The following SHE variants were observed in gnomAD, a reference collection of about 807,000 sequenced individuals.
The protein encoded by SHE is Src homology 2 domain containing E.
Under a neutral mutation model 49.8 loss-of-function variants are expected in SHE, and 11 were observed. The ratio of observed to expected loss-of-function variants is 0.22; its 90% CI spans 0.14 to 0.37. The LOEUF is 0.37. Ranked by LOEUF, SHE falls within the 10% of genes least tolerant of loss-of-function variation. SHE has a pLI of 1.00. For missense variants in SHE, 624 were observed against 655.5 expected (o/e 0.95, Z 0.52); for synonymous variants, 310 against 278.1 (o/e 1.11, Z -1.14).
At chr1:154,491,028 G>A (rs1692345712) in intron 2 of SHE, among the ~76,000 whole-genome samples, 2 of 152,184 alleles carry the variant, frequency 1.3e-5, no homozygotes, top group Non-Finnish European at 2.9e-5. Flanking sequence ...GGGTCAAGGA[G>A]CCTTGCCAGA....
At position 154,482,597 on chromosome 1, in the gene SHE, C is replaced by T; in HGVS notation, c.*1552G>A. 3 of 985,370 alleles carry T rather than the reference C, an allele frequency of 3.0e-6. No homozygotes were observed. The highest frequency in any genetic ancestry group is 3.6e-6 in the Non-Finnish European group (3 of 829,928). 61.0% of individuals were successfully genotyped at this position (985,370 alleles called of 1,614,324 possible). A position where few individuals can be genotyped will look rare whatever the true frequency, so the allele number is the denominator to read the frequency against. On this transcript the variant is annotated 3_prime_UTR_variant, in exon 6 of 6. Coordinates refer to ENST00000304760, the MANE Select transcript of SHE (RefSeq NM_001010846.3). ...TTGCATATGGGGCAGTTTTGAGACC[C>T]AAATGACCAACCCCAGAATACAGAC... is the stretch of plus-strand genomic sequence containing the variant.
intron 2 of SHE, among the ~76,000 whole-genome samples, chr1:154,492,986 T>C (rs895877278): frequency 1.3e-5 from 2 of 152,224 alleles, no homozygotes; most frequent in African/African-American, 4.8e-5. Context: ...CTACCGGGCC[T>C]TCCAGCCCAC....
chr1:154,482,620 G>A lies in SHE; in HGVS notation c.*1529C>T. The A allele has an allele frequency of 1.0e-6, 1 of 985,402 alleles. No homozygotes were observed. The highest frequency in any genetic ancestry group is 1.2e-6 in the Non-Finnish European group (1 of 829,944). The allele number at this position is 985,402 out of a possible 1,614,324, so 61.0% of individuals were successfully genotyped here. On this transcript the variant is annotated 3_prime_UTR_variant, in exon 6 of 6. Coordinates refer to ENST00000304760, the MANE Select transcript of SHE (RefSeq NM_001010846.3). ...CCCAAATGACCAACCCCAGAATACA[G>A]ACACATCTGCTGAATTTTAATTCTG...
At chr1:154,479,277 G>A (rs1360787011), downstream of SHE, among the ~76,000 whole-genome samples, 1 of 152,086 alleles carries the variant, frequency 6.6e-6, no homozygotes, top group Non-Finnish European at 1.5e-5. Context: ...TATTTTACTT[G>A]GGAAGAAAAA....
At position 154,480,967 on chromosome 1, in the gene SHE, C is replaced by A. The variant is rs1210725090; in HGVS notation, c.*3182G>T. 1.0e-6 allele frequency: 1 copy of A among 985,232 alleles called. No homozygotes were observed. The highest frequency in any genetic ancestry group is 1.2e-6 in the Non-Finnish European group (1 of 829,932). 61.0% of individuals were successfully genotyped at this position (985,232 alleles called of 1,614,324 possible). A position where few individuals can be genotyped will look rare whatever the true frequency, so the allele number is the denominator to read the frequency against. On this transcript the variant is annotated 3_prime_UTR_variant, in exon 6 of 6. Coordinates refer to ENST00000304760, the MANE Select transcript of SHE (RefSeq NM_001010846.3). ...GAACACTGACACAGCTCTATGGATG[C>A]TAAATTCAAGGCAAATTCACTGAAA...
chr1:154,499,868 G>A (rs1301857371), intron 1 of SHE, among the ~76,000 whole-genome samples: 3 of 152,100 alleles, frequency 2.0e-5, no homozygotes, highest in African/African-American at 7.2e-5. Context: ...ACCAGATAGG[G>A]TTTTGATCCC....
intron 1 of SHE, among the ~76,000 whole-genome samples, chr1:154,473,338 G>T (rs2149286279): frequency 1.3e-5 from 2 of 152,016 alleles, no homozygotes; most frequent in East Asian, 2.0e-4. Flanking sequence ...AACCGAGCAT[G>T]GTGGTGCATG....
Position 154,481,718 on chromosome 1 carries a change from T to C in SHE, c.*2431A>G. ...AGTTTAACACAATGAATAATTTGTATAAAGATAATAAATATTTGTTGAATG... is the reference window on the plus strand; with the variant it reads ...AGTTTAACACAATGAATAATTTGTACAAAGATAATAAATATTTGTTGAATG... On this transcript the variant is annotated 3_prime_UTR_variant, in exon 6 of 6. Transcript: ENST00000304760. The C allele has an allele frequency of 1.0e-6, 1 of 956,142 alleles. No individual in the cohort carries two copies. Among genetic ancestry groups the C allele is most frequent in the Non-Finnish European group, 1.2e-6 (1 of 803,252 alleles). The allele number at this position is 956,142 out of a possible 1,614,324, so 59.2% of individuals were successfully genotyped here.
At chr1:154,488,798 G>A (rs1263260562) in intron 3 of SHE, among the ~76,000 whole-genome samples, 1 of 152,030 alleles carries the variant, frequency 6.6e-6, no homozygotes, top group Non-Finnish European at 1.5e-5. Context: ...TGTTGACCAG[G>A]CTGGTCTTGA....
chr1:154,499,047 A>G, intron 2 of SHE, 65 bp downstream of exon 2: 1 of 1,566,194 alleles, frequency 6.4e-7, no homozygotes, highest in Non-Finnish European at 8.7e-7. Context: ...GACACCGGTT[A>G]CTATATTACA....
At position 154,486,963 on chromosome 1, in the gene SHE, A is replaced by G. The variant is rs552439316; in HGVS notation, c.1025-280T>C. 3.3e-5 allele frequency among the ~76,000 whole-genome samples: 5 copies of G among 152,320 alleles called. No individual in the cohort carries two copies. The South Asian group carries it at 1.0e-3, about 32-fold the overall frequency. On this transcript the variant is annotated intron_variant, in intron 3 of 5. Coordinates refer to ENST00000304760, the MANE Select transcript of SHE (RefSeq NM_001010846.3). Reference sequence around the variant, plus strand: ...GGAAACCACTTTAATGTATTTCAACATGGACTTTTAAAAAACTTGTGGTTT... The same window carrying G: ...GGAAACCACTTTAATGTATTTCAACGTGGACTTTTAAAAAACTTGTGGTTT...
At chr1:154,471,203 C>CAA (rs1386748764) in intron 1 of SHE, among the ~76,000 whole-genome samples, 1 of 151,994 alleles carries the variant, frequency 6.6e-6, no homozygotes, top group Non-Finnish European at 1.5e-5. Context: ...AAGTTCCCAT[C>CAA]TTCTGCAGGT....
chr1:154,501,899 T>C lies in SHE; in HGVS notation c.128A>G (p.Lys43Arg). The C allele has an allele frequency of 6.6e-7, 1 of 1,515,276 alleles. No individual in the cohort carries two copies. The allele number at this position is 1,515,276 out of a possible 1,614,324, so 93.9% of individuals were successfully genotyped here. A position where few individuals can be genotyped will look rare whatever the true frequency, so the allele number is the denominator to read the frequency against. The change falls in exon 1 of 6, where the codon AAG becomes AGG. Residue 43 changes from lysine (K) to arginine (R), a missense_variant. By Grantham distance (26) the Lys-to-Arg change is conservative. Around this residue, in one of 4 missense-constraint regions of SHE, gnomAD observed 337 missense variants for 306.0 expected, o/e 1.10. Coordinates refer to ENST00000304760, the MANE Select transcript of SHE (RefSeq NM_001010846.3). The part of the protein sequence containing the change: ...RGPLMAAKWF[K>R]EFPLNLKTVS... Reference sequence around the variant, plus strand: ...GGTCTTCAGGTTCAGGGGGAACTCCTTGAACCACTTGGCCGCCATGAGGGG... The same window carrying C: ...GGTCTTCAGGTTCAGGGGGAACTCCCTGAACCACTTGGCCGCCATGAGGGG...
chr1:154,493,590 T>G (rs1206564200), intron 2 of SHE, among the ~76,000 whole-genome samples: 1 of 152,240 alleles, frequency 6.6e-6, no homozygotes, highest in Non-Finnish European at 1.5e-5. Flanking sequence ...ACTAAAAACA[T>G]GCAGTTGGTT....
At position 154,480,979 on chromosome 1, in the gene SHE, C is replaced by G. The variant is rs1007338096; in HGVS notation, c.*3170G>C. The G allele has an allele frequency of 5.1e-6, 5 of 985,362 alleles. No homozygotes were observed. In the East Asian group the frequency reaches 5.7e-4, roughly 112 times the overall value. The allele number at this position is 985,362 out of a possible 1,614,324, so 61.0% of individuals were successfully genotyped here. ...AGCTCTATGGATGCTAAATTCAAGG[C>G]AAATTCACTGAAAGACATTCTTCTC... On this transcript the variant is annotated 3_prime_UTR_variant, in exon 6 of 6. Transcript: ENST00000304760.
chr1:154,501,844 G>A lies in SHE; in HGVS notation c.183C>T (p.Gly61=), dbSNP rs1692777738. Residue 61 remains glycine (G), a synonymous_variant, in exon 1 of 6, where the codon GGC becomes GGT. Coordinates refer to ENST00000304760, the MANE Select transcript of SHE (RefSeq NM_001010846.3). ...TVSERAKPGG[G]GGKLRKNSEA... ...CCGAGTTCTTGCGCAATTTGCCGCC[G>A]CCGCCCCCGGGCTTGGCCCGCTCCG... 1.3e-6 allele frequency: 2 copies of A among 1,540,526 alleles called. No homozygotes were observed. The highest frequency in any genetic ancestry group is 1.9e-5 in the Admixed American group (1 of 52,352).
intron 2 of SHE, among the ~76,000 whole-genome samples, chr1:154,489,638 C>T (rs1692303568): frequency 6.6e-6 from 1 of 152,232 alleles, no homozygotes; most frequent in Non-Finnish European, 1.5e-5. Context: ...GACAAGCACA[C>T]CTCCAGGGTG....
intron 1 of SHE, 28 bp downstream of exon 1, chr1:154,501,408 G>A: frequency 1.2e-6 from 2 of 1,604,660 alleles, no homozygotes; most frequent in Non-Finnish European, 1.7e-6. Flanking sequence ...TCGACTGAGA[G>A]GTGGTCCAAG....
intron 2 of SHE, among the ~76,000 whole-genome samples, chr1:154,495,340 A>T (rs61812631): frequency 0.13 from 19,463 of 152,284 alleles, 1,437 homozygotes; most frequent in South Asian, 0.18. Context: ...TGAATTTAGC[A>T]GAAAAGCAAC....
Sources: allele counts gnomAD v4.1 joint callset (sites outside exome capture counted in the v4.1 genomes callset), GRCh38; gene constraint gnomAD v4.1.1; regional missense constraint gnomAD v4.1.1; transcripts MANE v1.5; gene names NCBI Gene and HGNC (gene_info 2026-07-23, HGNC 2026-07-21).